Variants in GNAQ observed in about 807,000 individuals in gnomAD.
GNAQ encodes guanine nucleotide-binding protein G(q) subunit alpha.
In GNAQ, 8 loss-of-function variants were observed where a neutral mutation model predicts 43.9. The observed-to-expected ratio is 0.18, with a 90% CI of 0.11 to 0.33. The LOEUF (loss-of-function observed/expected upper bound fraction) is 0.33. GNAQ is among the 10% of genes least tolerant of loss of function. GNAQ has a pLI of 1.00. For synonymous variants in GNAQ, 155 were observed against 170.7 expected (o/e 0.91, Z 0.71); for missense variants, 158 against 450.8 (o/e 0.35, Z 5.88).
intron 1 of GNAQ, among the ~76,000 whole-genome samples, chr9:78,026,181 C>T (rs1823977539): frequency 2.0e-5 from 3 of 152,132 alleles, no homozygotes; most frequent in Admixed American, 2.0e-4. Flanking sequence ...GATAAACCTG[C>T]AATATTTTCA....
chr9:77,839,358 T>A (rs1311946661), intron 2 of GNAQ, among the ~76,000 whole-genome samples: 1 of 152,230 alleles, frequency 6.6e-6, no homozygotes, highest in East Asian at 1.9e-4. Context: ...AGGGTTGATA[T>A]GACAATTTCC....
chr9:77,910,576 T>C (rs1309285756), intron 2 of GNAQ, among the ~76,000 whole-genome samples: 2 of 152,178 alleles, frequency 1.3e-5, no homozygotes, highest in East Asian at 3.8e-4. Context: ...AGAGACAGGC[T>C]GCTAAAGCAG....
intron 5 of GNAQ, among the ~76,000 whole-genome samples, chr9:77,762,332 A>G (rs1314874402): frequency 2.0e-4 from 25 of 122,088 alleles, no homozygotes; most frequent in African/African-American, 7.2e-4. Flanking sequence ...CAGCCGCCCC[A>G]CCTGGGAGGT....
At chr9:77,979,337 C>T (rs1823340722) in intron 1 of GNAQ, among the ~76,000 whole-genome samples, 1 of 136,608 alleles carries the variant, frequency 7.3e-6, no homozygotes, top group Non-Finnish European at 1.5e-5. Context: ...GCCTGGGCAA[C>T]AAGAGCGAGA....
intron 2 of GNAQ, among the ~76,000 whole-genome samples, chr9:77,828,510 T>C (rs12001277): frequency 0.012 from 1,889 of 152,280 alleles, 38 homozygotes; most frequent in African/African-American, 0.042. Context: ...CACAGCACAA[T>C]TGTTGGGCAC....
At chr9:77,900,729 A>T (rs1828594203) in intron 2 of GNAQ, among the ~76,000 whole-genome samples, 1 of 151,882 alleles carries the variant, frequency 6.6e-6, no homozygotes, top group Non-Finnish European at 1.5e-5. Flanking sequence ...TTTTCCCACA[A>T]TCCTTACTCC....
At chr9:77,732,905 C>A (rs1473853883) in intron 5 of GNAQ, among the ~76,000 whole-genome samples, 2 of 152,180 alleles carry the variant, frequency 1.3e-5, no homozygotes, top group African/African-American at 4.8e-5. Context: ...CTGGGCTCCA[C>A]TTCCACAGAG....
chr9:77,830,336 T>C (rs776909271), intron 2 of GNAQ, among the ~76,000 whole-genome samples: 2 of 152,122 alleles, frequency 1.3e-5, no homozygotes, highest in Non-Finnish European at 2.9e-5. Flanking sequence ...ACATCATCCA[T>C]GGGGCACAGA....
intron 1 of GNAQ, among the ~76,000 whole-genome samples, chr9:77,974,267 C>T (rs1035934217): frequency 6.6e-6 from 1 of 152,240 alleles, no homozygotes; most frequent in Non-Finnish European, 1.5e-5. Flanking sequence ...CCTCCAGATG[C>T]CCCCATCCAT....
At chr9:77,799,641 T>C (rs962953717) in intron 3 of GNAQ, among the ~76,000 whole-genome samples, 6 of 152,144 alleles carry the variant, frequency 3.9e-5, no homozygotes, top group African/African-American at 1.4e-4. Flanking sequence ...AATCATAAAG[T>C]AGGAGGATTA....
rs147305341 is a variant in GNAQ at position 77,748,173 on chromosome 9, G to A, written c.736-19506C>T. On this transcript the variant is annotated intron_variant, in intron 5 of 6. Transcript: ENST00000286548. ...AAAATCCAGTGAAAGACATAATAAC[G>A]GAATAAATATTTTCAGCTATTATCT... 1.5e-3 allele frequency among the ~76,000 whole-genome samples: 231 copies of A among 152,088 alleles called. 2 individuals are homozygous for A. Among genetic ancestry groups the A allele is most frequent in the African/African-American group, 4.2e-3 (173 of 41,492 alleles).
chr9:77,886,227 A>G (rs772792953), intron 2 of GNAQ, among the ~76,000 whole-genome samples: 23 of 152,262 alleles, frequency 1.5e-4, no homozygotes, highest in Non-Finnish European at 3.2e-4. Flanking sequence ...TCAGCCTCCC[A>G]AAGTTCTGGT....
chr9:77,976,880 A>G (rs1164994952), intron 1 of GNAQ, among the ~76,000 whole-genome samples: 1 of 152,212 alleles, frequency 6.6e-6, no homozygotes, highest in Non-Finnish European at 1.5e-5. Flanking sequence ...TCAATGAGCC[A>G]TAAGGTTTTA....
At chr9:77,860,308 T>C (rs1043123258) in intron 2 of GNAQ, among the ~76,000 whole-genome samples, 17 of 152,128 alleles carry the variant, frequency 1.1e-4, no homozygotes, top group Admixed American at 9.8e-4. Flanking sequence ...TTCTGACTAG[T>C]TTCCCTGCTA....
At chr9:77,821,692 T>C (rs1009331070) in intron 2 of GNAQ, among the ~76,000 whole-genome samples, 2 of 151,284 alleles carry the variant, frequency 1.3e-5, no homozygotes, top group African/African-American at 4.9e-5. Context: ...ACTATTATCT[T>C]CATAATTATG....
chr9:77,876,574 C>G (rs1021219652), intron 2 of GNAQ, among the ~76,000 whole-genome samples: 1 of 152,214 alleles, frequency 6.6e-6, no homozygotes, highest in Non-Finnish European at 1.5e-5. Flanking sequence ...ATCTCCTTTA[C>G]AGGATTGCCT....
intron 1 of GNAQ, among the ~76,000 whole-genome samples, chr9:77,957,291 A>G (rs1227975838): frequency 6.6e-6 from 1 of 151,970 alleles, no homozygotes; most frequent in African/African-American, 2.4e-5. Flanking sequence ...GGGAGGTGGA[A>G]GTTGCAGTGA....
rs1413768479 is a variant in GNAQ at position 77,716,829 on chromosome 9, A to C, written c.*4494T>G. ...GGGTAGATAAGGAAGGCAAGGAGGA[A>C]ATTAATATTTGAGCACCTACTATGT... On this transcript the variant is annotated 3_prime_UTR_variant, in exon 7 of 7. Transcript: ENST00000286548. The C allele has an allele frequency of 4.3e-6, 1 of 232,662 alleles. No individual in the cohort carries two copies. Among genetic ancestry groups the C allele is most frequent in the East Asian group, 6.1e-5 (1 of 16,498 alleles). The allele number at this position is 232,662 out of a possible 1,614,324, so 14.4% of individuals were successfully genotyped here.
At chr9:77,971,279 T>C (rs944341912) in intron 1 of GNAQ, among the ~76,000 whole-genome samples, 2 of 152,216 alleles carry the variant, frequency 1.3e-5, no homozygotes, top group Non-Finnish European at 2.9e-5. Flanking sequence ...ACTCATTTTA[T>C]GAGGCCAGCA....
Sources: allele counts gnomAD v4.1 joint callset (sites outside exome capture counted in the v4.1 genomes callset), GRCh38; gene constraint gnomAD v4.1.1; transcripts MANE v1.5; gene names NCBI Gene and HGNC (gene_info 2026-07-23, HGNC 2026-07-21).